Variants in TTLL5 observed in about 807,000 individuals in gnomAD.
TTLL5 encodes the protein tubulin polyglutamylase TTLL5.
A neutral mutation model predicts 168.4 loss-of-function variants in TTLL5; 132 were observed. That is an observed-to-expected ratio of 0.78 (90% CI 0.68 to 0.91). TTLL5 has a LOEUF of 0.91. Ranked by LOEUF, TTLL5 falls within the 40% of genes least tolerant of loss-of-function variation. TTLL5 has a pLI of 0.00. For synonymous variants in TTLL5, 546 were observed against 558.6 expected, an observed-to-expected ratio of 0.98 and a Z score of 0.32; for missense variants, 1,545 against 1,581.5, an observed-to-expected ratio of 0.98 and a Z score of 0.39.
intron 27 of TTLL5, among the ~76,000 whole-genome samples, chr14:75,819,253 T>G (rs189290371): frequency 6.6e-6 from 1 of 152,342 alleles, no homozygotes; most frequent in Non-Finnish European, 1.5e-5. Context: ...ATACAAATAT[T>G]GTAATATATT....
rs185101913 is a variant in TTLL5 at position 75,796,210 on chromosome 14, G to T, written c.3171+3110G>T. On this transcript the variant is annotated intron_variant, in intron 27 of 31. Coordinates refer to ENST00000298832, the MANE Select transcript of TTLL5 (RefSeq NM_015072.5). ...ATGTTGAGCATTTTCTCATATGTTT[G>T]TTGGATATTTGTATATCTTCTTTTG... Among the ~76,000 whole-genome samples the T allele has an allele frequency of 1.2e-4, 19 of 152,220 alleles. No homozygotes were observed. The East Asian group carries it at 3.3e-3, about 26-fold the overall frequency.
At chr14:75,887,270 G>C in intron 30 of TTLL5, 1 of 985,888 alleles carries the variant, frequency 1.0e-6, no homozygotes, top group Non-Finnish European at 1.2e-6. Flanking sequence ...ATTAATGTCA[G>C]AAGAATATGA....
At chr14:75,673,405 G>A (rs1199669923) in intron 3 of TTLL5, among the ~76,000 whole-genome samples, 5 of 152,190 alleles carry the variant, frequency 3.3e-5, no homozygotes, top group Admixed American at 3.3e-4. Context: ...CATCTTCAAA[G>A]GTTATAACAC....
intron 31 of TTLL5, among the ~76,000 whole-genome samples, chr14:75,924,144 C>G (rs1011679524): frequency 1.9e-4 from 29 of 151,116 alleles, no homozygotes; most frequent in African/African-American, 7.1e-4. Flanking sequence ...CTCCTTAATA[C>G]AGCACACTGA....
intron 28 of TTLL5, among the ~76,000 whole-genome samples, chr14:75,830,626 G>A (rs1229915217): frequency 1.3e-5 from 2 of 151,940 alleles, no homozygotes; most frequent in Non-Finnish European, 2.9e-5. Flanking sequence ...AAATATATAA[G>A]CCTTGTATAT....
Position 75,954,620 on chromosome 14 carries a change from T to G in TTLL5, c.*174T>G. ...TGGTTGCCAATCAGCCAATGCAGACTTTCACTGGGACAACAAGAAAGCAGA... is the reference window on the plus strand; with the variant it reads ...TGGTTGCCAATCAGCCAATGCAGACGTTCACTGGGACAACAAGAAAGCAGA... On this transcript the variant is annotated 3_prime_UTR_variant, in exon 32 of 32. Transcript: ENST00000298832. 1 of 646,008 alleles carries G rather than the reference T, an allele frequency of 1.5e-6. No homozygotes were observed. The highest frequency in any genetic ancestry group is 2.7e-5 in the East Asian group (1 of 37,278). The allele number at this position is 646,008 out of a possible 1,614,324, so 40.0% of individuals were successfully genotyped here.
At chr14:75,896,349 G>C (rs2032661249) in intron 30 of TTLL5, among the ~76,000 whole-genome samples, 1 of 152,140 alleles carries the variant, frequency 6.6e-6, no homozygotes, top group African/African-American at 2.4e-5. Context: ...GGAATTGAAA[G>C]AGGTTGGTTA....
At chr14:75,743,527 G>A (rs995569210) in intron 15 of TTLL5, among the ~76,000 whole-genome samples, 1 of 150,322 alleles carries the variant, frequency 6.7e-6, no homozygotes, top group African/African-American at 2.4e-5. Context: ...ACACATACTA[G>A]CTGGGGTCTG....
At chr14:75,884,889 G>C (rs1312791733) in intron 30 of TTLL5, among the ~76,000 whole-genome samples, 1 of 151,982 alleles carries the variant, frequency 6.6e-6, no homozygotes, top group Non-Finnish European at 1.5e-5. Context: ...AAAACAACTG[G>C]GCCAAGTGTG....
At chr14:75,818,800 A>G (rs958178403) in intron 27 of TTLL5, among the ~76,000 whole-genome samples, 1 of 151,736 alleles carries the variant, frequency 6.6e-6, no homozygotes, top group African/African-American at 2.4e-5. Flanking sequence ...CGCCCGGACT[A>G]TTTTTCAAAA....
Position 75,779,435 on chromosome 14 carries a change from A to G in TTLL5, c.2388-140A>G, listed in dbSNP as rs943269102. 10 of 1,123,302 alleles carry G rather than the reference A, an allele frequency of 8.9e-6. No homozygotes were observed. The African/African-American group carries it at 1.4e-4, about 16-fold the overall frequency. 69.6% of individuals were successfully genotyped at this position (1,123,302 alleles called of 1,614,324 possible). On this transcript the variant is annotated intron_variant, in intron 23 of 31. Transcript: ENST00000298832. ...TTGCTTTCATTTATATTTTATTTTA[A>G]CCACCTATTAATAGGGAATTTTCAG...
intron 31 of TTLL5, among the ~76,000 whole-genome samples, chr14:75,943,432 C>G (rs1201741739): frequency 6.6e-6 from 1 of 152,226 alleles, no homozygotes; most frequent in Admixed American, 6.5e-5. Context: ...TATCTGGAAA[C>G]TTGGTGCTAA....
intron 26 of TTLL5, among the ~76,000 whole-genome samples, chr14:75,786,074 A>G (rs1378369138): frequency 4.6e-5 from 7 of 152,224 alleles, no homozygotes; most frequent in Non-Finnish European, 1.0e-4. Flanking sequence ...TTTCAAATGA[A>G]ATGGATATTT....
chr14:75,946,255 T>C (rs2034767452), intron 31 of TTLL5, among the ~76,000 whole-genome samples: 1 of 152,212 alleles, frequency 6.6e-6, no homozygotes, highest in South Asian at 2.1e-4. Flanking sequence ...GGAGAGCAGA[T>C]GTTCAAAATT....
At chr14:75,878,926 C>T (rs1004354380) in intron 29 of TTLL5, among the ~76,000 whole-genome samples, 1 of 152,156 alleles carries the variant, frequency 6.6e-6, no homozygotes, top group Non-Finnish European at 1.5e-5. Context: ...GGTCCTTTTA[C>T]AAGATTACAT....
chr14:75,893,099 T>C (rs1227647816), intron 30 of TTLL5, among the ~76,000 whole-genome samples: 1 of 152,202 alleles, frequency 6.6e-6, no homozygotes, highest in Non-Finnish European at 1.5e-5. Context: ...GATAAATTAA[T>C]ACTTTAAAAC....
intron 30 of TTLL5, among the ~76,000 whole-genome samples, chr14:75,891,182 C>T (rs1220400434): frequency 1.3e-5 from 2 of 152,190 alleles, no homozygotes; most frequent in Admixed American, 6.5e-5. Flanking sequence ...ACATGCTTCC[C>T]ATTCTTTGTT....
At position 75,763,737 on chromosome 14, in the gene TTLL5, G is replaced by A. The variant is rs187672578; in HGVS notation, c.1551-878G>A. On this transcript the variant is annotated intron_variant, in intron 18 of 31. Coordinates refer to ENST00000298832, the MANE Select transcript of TTLL5 (RefSeq NM_015072.5). ...CTCTCTTGTATTTTGCTCAGTCCTTGTCTAGACTGGGCCTCATATCAGTCA... is the reference window on the plus strand; with the variant it reads ...CTCTCTTGTATTTTGCTCAGTCCTTATCTAGACTGGGCCTCATATCAGTCA... 9.7e-4 allele frequency among the ~76,000 whole-genome samples: 148 copies of A among 152,282 alleles called. 1 individual carries two copies. The highest frequency in any genetic ancestry group is 3.4e-3 in the African/African-American group (142 of 41,556).
chr14:75,795,446 T>A (rs902956245), intron 27 of TTLL5, among the ~76,000 whole-genome samples: 6 of 152,034 alleles, frequency 3.9e-5, no homozygotes, highest in African/African-American at 1.2e-4. Flanking sequence ...TTTCAGTAGG[T>A]TTTTGGGGGA....
Sources: gnomAD v4.1 joint callset for allele counts (sites outside exome capture counted in the v4.1 genomes callset) on GRCh38, gnomAD v4.1.1 for gene constraint, MANE v1.5 for transcripts, NCBI Gene and HGNC (gene_info 2026-07-23, HGNC 2026-07-21) for gene names.